SEZ6L2: variants seen among roughly 807,000 people sequenced by gnomAD.
SEZ6L2 encodes seizure related 6 homolog like 2.
Under a neutral mutation model 97.0 loss-of-function variants are expected in SEZ6L2, and 44 were observed. The observed-to-expected ratio is 0.45, with a 90% CI of 0.36 to 0.58. The LOEUF (loss-of-function observed/expected upper bound fraction) is 0.58, where lower values mean the gene tolerates loss of function less well. SEZ6L2 is among the 20% of genes least tolerant of loss of function. The pLI is 0.00. For synonymous variants in SEZ6L2, 543 were observed against 546.1 expected, an observed-to-expected ratio of 0.99 and a Z score of 0.08; for missense variants, 1,086 against 1,233.3, an observed-to-expected ratio of 0.88 and a Z score of 1.79.
At chr16:29,885,101 G>A (rs913896247) in intron 8 of SEZ6L2, among the ~76,000 whole-genome samples, 5 of 152,150 alleles carry the variant, frequency 3.3e-5, no homozygotes, top group East Asian at 1.9e-4. Flanking sequence ...CCAGCTACTC[G>A]GGAGGCTGAG....
intron 16 of SEZ6L2, 24 bp from the exon 17 acceptor site, chr16:29,872,307 A>G (rs1228658132): frequency 1.2e-6 from 2 of 1,602,230 alleles, no homozygotes; most frequent in Admixed American, 1.7e-5. Context: ...AGGACAGAGG[A>G]GCTTATCAAC....
At position 29,899,078 on chromosome 16, in the gene SEZ6L2, T is replaced by G; in HGVS notation, c.-59A>C. The stretch of plus-strand genomic sequence containing the variant: ...CTCTAAGTAATCTGGCTGCCACCTT[T>G]CCTCCGTCTCCGTTTATCTTTCCCT... On this transcript the variant is annotated 5_prime_UTR_variant, in exon 1 of 18. Coordinates refer to ENST00000617533, the MANE Select transcript of SEZ6L2 (RefSeq NM_001243332.2). 2.7e-6 allele frequency: 3 copies of G among 1,117,012 alleles called. No individual in the cohort carries two copies. The highest frequency in any genetic ancestry group is 3.9e-6 in the Non-Finnish European group (3 of 767,446). The allele number at this position is 1,117,012 out of a possible 1,614,324, so 69.2% of individuals were successfully genotyped here.
intron 14 of SEZ6L2, 89 bp from the exon 15 acceptor site, chr16:29,872,832 G>T (rs2067814685): frequency 1.8e-6 from 2 of 1,095,082 alleles, no homozygotes; most frequent in African/African-American, 1.5e-5. Context: ...GGCTGGGCTG[G>T]ACAGCCTGGT....
chr16:29,887,183 A>G (rs2068159325), intron 7 of SEZ6L2, among the ~76,000 whole-genome samples: 1 of 147,236 alleles, frequency 6.8e-6, no homozygotes, highest in African/African-American at 2.6e-5. Flanking sequence ...CTCTGTCTCA[A>G]AAAAAGAAAA....
Position 29,897,098 on chromosome 16 carries a change from C to A in SEZ6L2, c.235G>T (p.Ala79Ser). The change falls in exon 3 of 18, where the codon GCC (alanine) becomes TCC (serine). Residue 79 changes from alanine (A) to serine (S), a missense_variant. By Grantham distance (99) the Ala-to-Ser change is moderately conservative. Around this residue, in one of 2 missense-constraint regions of SEZ6L2, gnomAD observed 776 missense variants for 794.7 expected, o/e 0.98. Coordinates refer to ENST00000617533, the MANE Select transcript of SEZ6L2 (RefSeq NM_001243332.2). The part of the protein sequence containing the change: ...LPGSDRDPTL[A>S]TPPAGQTLAV... ...AGAGTCTGGCCGGCCGGAGGGGTGG[C>A]TAGCGTGGGGTCCCGATCAGATCCT... 1 of 1,578,928 alleles carries A rather than the reference C, an allele frequency of 6.3e-7. No individual in the cohort carries two copies. The highest frequency in any genetic ancestry group is 8.5e-7 in the Non-Finnish European group (1 of 1,169,976).
intron 8 of SEZ6L2, among the ~76,000 whole-genome samples, chr16:29,884,982 C>A (rs1025901186): frequency 6.6e-6 from 1 of 151,756 alleles, no homozygotes; most frequent in Non-Finnish European, 1.5e-5. Flanking sequence ...CCGAGGCAGG[C>A]GGATCACAAG....
intron 1 of SEZ6L2, among the ~76,000 whole-genome samples, chr16:29,898,258 G>A (rs1213842233): frequency 3.3e-5 from 5 of 152,120 alleles, no homozygotes; most frequent in East Asian, 1.9e-4. Context: ...CCTGGACAGC[G>A]CCAGCAAGGC....
At position 29,871,496 on chromosome 16, in the gene SEZ6L2, G is replaced by T; in HGVS notation, c.*203C>A. 1.6e-6 allele frequency: 1 copy of T among 628,242 alleles called. No individual in the cohort carries two copies. The allele number at this position is 628,242 out of a possible 1,614,324, so 38.9% of individuals were successfully genotyped here. On this transcript the variant is annotated 3_prime_UTR_variant, in exon 18 of 18. Coordinates refer to ENST00000617533, the MANE Select transcript of SEZ6L2 (RefSeq NM_001243332.2). The stretch of plus-strand genomic sequence containing the variant: ...GGCAGGCCCCTCGTTTGGCAACTGA[G>T]AAGAGGCGGCTTTGGGCGGCAGGAT...
rs1039178007 is a variant in SEZ6L2 at position 29,873,972 on chromosome 16, TA to T, written c.2105-244del. Among the ~76,000 whole-genome samples the T allele has an allele frequency of 2.6e-5, 4 of 151,586 alleles. No homozygotes were observed. Among genetic ancestry groups the T allele is most frequent in the African/African-American group, 9.7e-5 (4 of 41,254 alleles). The stretch of plus-strand genomic sequence containing the variant: ...CTGGGTGACAGAGTGAGACCCAGTC[TA>T]AAAAAAATAAAAGAAAATCTCCCAG... On this transcript the variant is annotated intron_variant, in intron 12 of 17. Transcript: ENST00000617533. This position sits in a 1 kb window ranked among gnomAD's most constrained non-coding sequence, Gnocchi z 4.3.
At chr16:29,874,550 GTTTTTTTTTTTT>G (rs541095994) in intron 12 of SEZ6L2, among the ~76,000 whole-genome samples, 9 of 32,562 alleles carry the variant, frequency 2.8e-4, no homozygotes, top group South Asian at 1.7e-3. Context: ...GTGTGTGCTT[GTTTTTTTTTTTT>G]TTTTTTTTTT....
In SEZ6L2 at chr16:29,873,204, A is replaced by G. The variant is rs751733338; in HGVS notation, c.2488+36T>C. The G allele has an allele frequency of 1.7e-5, 27 of 1,608,406 alleles. No individual in the cohort carries two copies. In the East Asian group the frequency reaches 2.2e-4, roughly 13 times the overall value. On this transcript the variant is annotated intron_variant, in intron 14 of 17. Transcript: ENST00000617533. The surrounding 1 kb of genome is among the most constrained non-coding windows in gnomAD (Gnocchi z 4.3). ...CTCCCAGCCCTGTCACTTCCCGGAC[A>G]CTGGTGTGCCCCTCCTGCCCTGTCT... is the stretch of plus-strand genomic sequence containing the variant.
chr16:29,888,410 G>A (rs1017224151), intron 6 of SEZ6L2, 130 bp downstream of exon 6: 2 of 892,990 alleles, frequency 2.2e-6, no homozygotes, highest in African/African-American at 1.7e-5. Context: ...CCAGGATGGG[G>A]ACTCCTCAGG....
chr16:29,895,973 TTTTG>T, intron 3 of SEZ6L2, 113 bp from the exon 4 acceptor site: 2 of 1,211,582 alleles, frequency 1.7e-6, no homozygotes, highest in South Asian at 1.5e-5. Context: ...CATCTTTTTG[TTTTG>T]TTTGAGACAG....
At chr16:29,894,087 T>A (rs1461460712) in intron 5 of SEZ6L2, among the ~76,000 whole-genome samples, 1 of 152,144 alleles carries the variant, frequency 6.6e-6, no homozygotes, top group Non-Finnish European at 1.5e-5. Context: ...GCCAGGCAGG[T>A]CTTGAACTCC....
At chr16:29,886,304 G>A (rs2068139488) in intron 7 of SEZ6L2, among the ~76,000 whole-genome samples, 1 of 152,160 alleles carries the variant, frequency 6.6e-6, no homozygotes, top group Non-Finnish European at 1.5e-5. Context: ...GGGAGGTGGA[G>A]GTTGCAGTGA....
At chr16:29,879,472 G>A (rs373291416) in intron 9 of SEZ6L2, among the ~76,000 whole-genome samples, 15 of 152,068 alleles carry the variant, frequency 9.9e-5, no homozygotes, top group African/African-American at 3.4e-4. Flanking sequence ...TGATCCGCCC[G>A]CCTCAGCCTC....
intron 8 of SEZ6L2, among the ~76,000 whole-genome samples, chr16:29,885,252 T>C (rs2068112324): frequency 6.6e-6 from 1 of 151,792 alleles, no homozygotes; most frequent in Non-Finnish European, 1.5e-5. Flanking sequence ...AAGTTGGTGG[T>C]ATGTAAGTCG....
At position 29,871,652 on chromosome 16, in the gene SEZ6L2, TGAG is replaced by T. The variant is rs2067783473; in HGVS notation, c.*44_*46del. 1.3e-6 allele frequency: 2 copies of T among 1,586,722 alleles called. No individual in the cohort carries two copies. Among genetic ancestry groups the T allele is most frequent in the Non-Finnish European group, 1.7e-6 (2 of 1,163,314 alleles). ...GGTCCCGTATTTCCCTCTGCCCGAA[TGAG>T]GAGGGGAGGGGCGTCCTGGGTCCTG... On this transcript the variant is annotated 3_prime_UTR_variant, in exon 18 of 18. Coordinates refer to ENST00000617533, the MANE Select transcript of SEZ6L2 (RefSeq NM_001243332.2).
At chr16:29,898,045 A>C (rs1188825193) in intron 1 of SEZ6L2, 61 bp from the exon 2 acceptor site, 10 of 1,601,866 alleles carry the variant, frequency 6.2e-6, no homozygotes, top group Admixed American at 1.7e-5. Flanking sequence ...CTCCAGAGAG[A>C]TATTTTCTAG....
Sources: gnomAD v4.1 joint callset for allele counts (sites outside exome capture counted in the v4.1 genomes callset) on GRCh38, gnomAD v4.1.1 for gene constraint, gnomAD v4.1.1 regional missense constraint, Gnocchi (gnomAD v3.1) non-coding constraint, MANE v1.5 for transcripts, NCBI Gene and HGNC (gene_info 2026-07-23, HGNC 2026-07-21) for gene names.